The following USP34 variants were observed in gnomAD, a reference collection of about 807,000 sequenced individuals.
The protein encoded by USP34 is ubiquitin specific peptidase 34.
A neutral mutation model predicts 460.3 loss-of-function variants in USP34; 70 were observed. The observed-to-expected ratio is 0.15, with a 90% CI of 0.13 to 0.19. The LOEUF is 0.19. Ranked by LOEUF, USP34 falls within the 10% of genes least tolerant of loss-of-function variation. The pLI is 1.00. For missense variants in USP34, 3,985 were observed against 4,236.2 expected, an observed-to-expected ratio of 0.94 and a Z score of 1.65; for synonymous variants, 1,647 against 1,405.3, an observed-to-expected ratio of 1.17 and a Z score of -3.85.
At chr2:61,220,963 A>C (rs1687564154) in intron 66 of USP34, among the ~76,000 whole-genome samples, 1 of 101,094 alleles carries the variant, frequency 9.9e-6, no homozygotes, top group Non-Finnish European at 2.0e-5. Flanking sequence ...TGTTTTATTG[A>C]AACACACCCA....
intron 41 of USP34, among the ~76,000 whole-genome samples, chr2:61,271,566 AAGG>A (rs1689214535): frequency 6.6e-6 from 1 of 152,140 alleles, no homozygotes. Flanking sequence ...CATACTTTAA[AAGG>A]AGAAGAAAGG....
chr2:61,310,166 A>C (rs1690542963), intron 27 of USP34, among the ~76,000 whole-genome samples: 1 of 152,162 alleles, frequency 6.6e-6, no homozygotes, highest in Non-Finnish European at 1.5e-5. Flanking sequence ...GTGGATTTTC[A>C]CTTTATTATT....
intron 8 of USP34, among the ~76,000 whole-genome samples, chr2:61,377,248 G>A (rs2694643): frequency 0.33 from 50,854 of 151,858 alleles, 8,612 homozygotes; most frequent in Non-Finnish European, 0.38. Context: ...TGGGATTAGC[G>A]CCTTAGAGCA....
intron 1 of USP34, among the ~76,000 whole-genome samples, chr2:61,427,276 C>G (rs1275621820): frequency 6.6e-6 from 1 of 152,220 alleles, no homozygotes; most frequent in Non-Finnish European, 1.5e-5. Context: ...GATCCACCCG[C>G]CTTGGCCTCC....
chr2:61,406,128 C>G lies in USP34; in HGVS notation c.132G>C (p.Arg44Ser). Residue 44 changes from arginine (R) to serine (S), a missense_variant and splice_region_variant, in exon 3 of 80, where the codon AGG becomes AGC. Physicochemically the swap from Arg to Ser is moderately radical, Grantham distance 110 (BLOSUM62 -1). Transcript: ENST00000398571. ...ATTCCTTGAAGCAGCATAGACATTG[C>G]CTATAAGAGAAAAAAAATTGAATAA... ...IFTYINSWTQRQCLCCFKEYK... is the reference protein window; with the variant it reads ...IFTYINSWTQSQCLCCFKEYK... 6.5e-7 allele frequency: 1 copy of G among 1,530,710 alleles called. No individual in the cohort carries two copies. The highest frequency in any genetic ancestry group is 8.7e-7 in the Non-Finnish European group (1 of 1,142,934). The allele number at this position is 1,530,710 out of a possible 1,614,324, so 94.8% of individuals were successfully genotyped here. A position where few individuals can be genotyped will look rare whatever the true frequency, so the allele number is the denominator to read the frequency against.
At chr2:61,193,365 T>TGTAA (rs1394729207) in intron 75 of USP34, 2 of 97,234 alleles carry the variant, frequency 2.1e-5, no homozygotes, top group African/African-American at 7.5e-5. Context: ...AGGGGAAAGG[T>TGTAA]AAAAAAAAAA....
chr2:61,211,582 A>G (rs1687273876), intron 69 of USP34, among the ~76,000 whole-genome samples, 190 bp downstream of exon 69: 1 of 152,218 alleles, frequency 6.6e-6, no homozygotes, highest in Non-Finnish European at 1.5e-5. Flanking sequence ...TAAAATGATA[A>G]AACATACACA....
At chr2:61,450,369 T>A (rs1043135097) in intron 1 of USP34, among the ~76,000 whole-genome samples, 8 of 152,184 alleles carry the variant, frequency 5.3e-5, no homozygotes, top group Non-Finnish European at 1.2e-4. Flanking sequence ...GTGGTGATGG[T>A]TGCACAACTC....
intron 41 of USP34, among the ~76,000 whole-genome samples, chr2:61,271,010 G>A (rs1252405480): frequency 6.6e-5 from 10 of 151,926 alleles, no homozygotes; most frequent in Admixed American, 3.3e-4. Flanking sequence ...CTGGCCAGGC[G>A]CGGTGGCTCA....
rs1689593234 is a variant in USP34 at position 61,283,392 on chromosome 2, C to T, written c.4873+17G>A. The T allele has an allele frequency of 1.9e-6, 3 of 1,594,654 alleles. No individual in the cohort carries two copies. The highest frequency in any genetic ancestry group is 2.6e-6 in the Non-Finnish European group (3 of 1,173,620). On this transcript the variant is annotated intron_variant, in intron 36 of 79. Transcript: ENST00000398571. The stretch of plus-strand genomic sequence containing the variant: ...CAAGTTTTTATTTATTAAAAGTTAA[C>T]TTTGTGGAACCCTTACCTTCATGTC...
At chr2:61,228,438 G>C (rs1687793650) in intron 61 of USP34, among the ~76,000 whole-genome samples, 1 of 152,186 alleles carries the variant, frequency 6.6e-6, no homozygotes, top group Non-Finnish European at 1.5e-5. Flanking sequence ...CCTTACCAAT[G>C]AATGAACTTC....
At chr2:61,194,147 C>T (rs1474088591) in intron 75 of USP34, 5 of 983,134 alleles carry the variant, frequency 5.1e-6, no homozygotes, top group Non-Finnish European at 6.0e-6. Flanking sequence ...CAAGTCAGGT[C>T]ACTCACTCAG....
intron 78 of USP34, chr2:61,190,069 C>G: frequency 2.0e-6 from 1 of 504,322 alleles, no homozygotes; most frequent in Non-Finnish European, 3.3e-6. Context: ...ATGATACCAG[C>G]TTGTAGCTTC....
chr2:61,270,344 G>C (rs556500231), intron 41 of USP34, among the ~76,000 whole-genome samples: 1 of 152,310 alleles, frequency 6.6e-6, no homozygotes, highest in Admixed American at 6.5e-5. Context: ...ACAAGACACT[G>C]TGAATCTGCC....
intron 10 of USP34, 59 bp from the exon 11 acceptor site, chr2:61,350,752 C>G: frequency 6.5e-7 from 1 of 1,541,998 alleles, no homozygotes; most frequent in Admixed American, 2.1e-5. Flanking sequence ...TGTAGATTAC[C>G]TGATATAAAA....
intron 51 of USP34, among the ~76,000 whole-genome samples, chr2:61,242,458 T>TACACACAC (rs67471702): frequency 0.025 from 3,197 of 129,622 alleles, 61 homozygotes; most frequent in East Asian, 0.048. Context: ...AGATAATACA[T>TACACACAC]ACACACACAC....
intron 59 of USP34, 61 bp downstream of exon 59, chr2:61,229,487 A>AAACAAAAAAACCACACACAC: frequency 1.2e-6 from 1 of 820,748 alleles, no homozygotes; most frequent in Non-Finnish European, 1.6e-6. Flanking sequence ...AAAAAAAAAA[A>AAACAAAAAAACCACACACAC]ACAAAAACAC....
intron 18 of USP34, among the ~76,000 whole-genome samples, chr2:61,338,646 C>G (rs1691498500): frequency 6.6e-6 from 1 of 152,052 alleles, no homozygotes; most frequent in Non-Finnish European, 1.5e-5. Flanking sequence ...GAATGGAACA[C>G]TATCAAAGCA....
chr2:61,205,966 CAAT>C (rs754260971), intron 72 of USP34, 48 bp downstream of exon 72: 1 of 1,388,544 alleles, frequency 7.2e-7, no homozygotes, highest in South Asian at 1.2e-5. Context: ...AAACTCACAA[CAAT>C]GTTCTTCCAC....
Sources: gnomAD v4.1 joint callset for allele counts (sites outside exome capture counted in the v4.1 genomes callset) on GRCh38, gnomAD v4.1.1 for gene constraint, MANE v1.5 for transcripts, NCBI Gene and HGNC (gene_info 2026-07-23, HGNC 2026-07-21) for gene names.